The following GPR176 variants were observed in gnomAD, a reference collection of about 807,000 sequenced individuals.
GPR176 encodes the protein G protein-coupled receptor 176.
A neutral mutation model predicts 35.4 loss-of-function variants in GPR176; 26 were observed. The observed-to-expected ratio is 0.74, with a 90% CI of 0.54 to 1.02. The LOEUF is 1.02. Among genes scored for constraint, GPR176 ranks in the 50% least tolerant of loss-of-function variants. The probability of loss-of-function intolerance (pLI) is 0.00; values close to 1 mark genes in which losing one functional copy is unlikely to be tolerated. For synonymous variants in GPR176, 278 were observed against 271.3 expected, an observed-to-expected ratio of 1.02 and a Z score of -0.24; for missense variants, 597 against 665.3, an observed-to-expected ratio of 0.90 and a Z score of 1.13.
At chr15:39,827,519 G>A (rs1900750570) in intron 1 of GPR176, among the ~76,000 whole-genome samples, 1 of 152,192 alleles carries the variant, frequency 6.6e-6, no homozygotes, top group Non-Finnish European at 1.5e-5. Flanking sequence ...AAGGAAGCAT[G>A]CCCCATCTTC....
intron 1 of GPR176, among the ~76,000 whole-genome samples, chr15:39,859,196 G>T (rs2031434635): frequency 1.3e-5 from 2 of 152,076 alleles, no homozygotes; most frequent in African/African-American, 4.8e-5. Context: ...GTTTAAGAAA[G>T]AATAGAATCG....
At chr15:39,911,023 G>A (rs1216010422) in intron 1 of GPR176, among the ~76,000 whole-genome samples, 1 of 151,798 alleles carries the variant, frequency 6.6e-6, no homozygotes, top group Non-Finnish European at 1.5e-5. Context: ...GAGCAAGAGT[G>A]AGACTCTGTA....
rs966455893 is a variant in GPR176, at chr15:39,799,538, A to G, written c.*1594T>C. 1.7e-4 allele frequency: 26 copies of G among 152,244 alleles called. No individual in the cohort carries two copies. Among genetic ancestry groups the G allele is most frequent in the African/African-American group, 6.0e-4 (25 of 41,444 alleles). The allele number at this position is 152,244 out of a possible 1,614,324, so 9.4% of individuals were successfully genotyped here. A position where few individuals can be genotyped will look rare whatever the true frequency, so the allele number is the denominator to read the frequency against. ...CACACCCAAGAGAAGAAAGGAAAAC[A>G]AAACTCCCTACAGGGTCTGGGCTCC... On this transcript the variant is annotated 3_prime_UTR_variant, in exon 3 of 3. Coordinates refer to ENST00000561100, the MANE Select transcript of GPR176 (RefSeq NM_007223.3).
At position 39,807,543 on chromosome 15, in the gene GPR176, G is replaced by T. The variant is rs541206558; in HGVS notation, c.173-285C>A. 5.3e-6 allele frequency: 8 copies of T among 1,521,828 alleles called. No homozygotes were observed. The South Asian group carries it at 9.6e-5, about 18-fold the overall frequency. The allele number at this position is 1,521,828 out of a possible 1,614,324, so 94.3% of individuals were successfully genotyped here. A position where few individuals can be genotyped will look rare whatever the true frequency, so the allele number is the denominator to read the frequency against. On this transcript the variant is annotated intron_variant, in intron 1 of 2. Coordinates refer to ENST00000561100, the MANE Select transcript of GPR176 (RefSeq NM_007223.3). ...ATAACGATGGCTTAGTCTCATCAGT[G>T]TATAAACAATTTGCTAGTTATTACT... is the stretch of plus-strand genomic sequence containing the variant.
intron 1 of GPR176, among the ~76,000 whole-genome samples, chr15:39,837,738 A>G (rs1377481797): frequency 6.6e-6 from 1 of 152,114 alleles, no homozygotes; most frequent in Non-Finnish European, 1.5e-5. Flanking sequence ...AGGCCCTCAT[A>G]AGATCATAAG....
chr15:39,811,835 G>A (rs1301066820), intron 1 of GPR176, among the ~76,000 whole-genome samples: 1 of 151,574 alleles, frequency 6.6e-6, no homozygotes, highest in Non-Finnish European at 1.5e-5. Context: ...AGAATGGCGT[G>A]AACCTGGGAG....
At chr15:39,856,645 T>C (rs898686405) in intron 1 of GPR176, among the ~76,000 whole-genome samples, 1 of 152,232 alleles carries the variant, frequency 6.6e-6, no homozygotes, top group Non-Finnish European at 1.5e-5. Context: ...CCAGAGACAC[T>C]GATCCAAGAA....
chr15:39,872,241 G>A (rs1284257541), intron 1 of GPR176, among the ~76,000 whole-genome samples: 1 of 152,184 alleles, frequency 6.6e-6, no homozygotes, highest in East Asian at 1.9e-4. Flanking sequence ...GTCTGACATG[G>A]TGGGCCTTGA....
At chr15:39,878,642 A>C (rs944308522) in intron 1 of GPR176, among the ~76,000 whole-genome samples, 2 of 152,208 alleles carry the variant, frequency 1.3e-5, no homozygotes, top group Non-Finnish European at 2.9e-5. Context: ...ACATGCCCAT[A>C]AGTGGGACTG....
At chr15:39,879,725 G>A (rs545181150) in intron 1 of GPR176, among the ~76,000 whole-genome samples, 2 of 152,208 alleles carry the variant, frequency 1.3e-5, no homozygotes, top group Admixed American at 6.5e-5. Context: ...ACCCCACCTC[G>A]AAGTTGGGAA....
At position 39,799,326 on chromosome 15, in the gene GPR176, G is replaced by T. The variant is rs1898716667; in HGVS notation, c.*1806C>A. On this transcript the variant is annotated 3_prime_UTR_variant, in exon 3 of 3. Coordinates refer to ENST00000561100, the MANE Select transcript of GPR176 (RefSeq NM_007223.3). The stretch of plus-strand genomic sequence containing the variant: ...GACAAGCTTGAAGGGCCACAGCATT[G>T]ACTATCAGGGCAAGGAGCTATAGAT... 1 of 152,234 alleles carries T rather than the reference G, an allele frequency of 6.6e-6. No individual in the cohort carries two copies. Among genetic ancestry groups the T allele is most frequent in the Non-Finnish European group, 1.5e-5 (1 of 68,054 alleles). 9.4% of individuals were successfully genotyped at this position (152,234 alleles called of 1,614,324 possible).
intron 1 of GPR176, among the ~76,000 whole-genome samples, chr15:39,862,671 A>T (rs1021627445): frequency 6.6e-6 from 1 of 152,232 alleles, no homozygotes; most frequent in Non-Finnish European, 1.5e-5. Context: ...ACAATGCATT[A>T]TTCATGTGTT....
At chr15:39,839,912 C>T (rs1294274660) in intron 1 of GPR176, among the ~76,000 whole-genome samples, 1 of 152,078 alleles carries the variant, frequency 6.6e-6, no homozygotes, top group Non-Finnish European at 1.5e-5. Context: ...TAGAGAAATG[C>T]AAATCAAAAC....
chr15:39,850,049 T>G (rs2030746510), intron 1 of GPR176, among the ~76,000 whole-genome samples: 1 of 152,130 alleles, frequency 6.6e-6, no homozygotes, highest in Admixed American at 6.5e-5. Context: ...TATAAAAGAT[T>G]TTTAAAATGG....
chr15:39,817,068 C>CAAAAAAAAAAAAAAA lies in GPR176; in HGVS notation c.173-9825_173-9811dup, dbSNP rs58812005. On this transcript the variant is annotated intron_variant, in intron 1 of 2. Transcript: ENST00000561100. Reference sequence around the variant, plus strand: ...TTGGTAACAGAGCAGGATTCTGTCTCAAAAAAAAAAAAAAAGCTTTGAAAA... The same window carrying CAAAAAAAAAAAAAAA: ...TTGGTAACAGAGCAGGATTCTGTCTCAAAAAAAAAAAAAAAAAAAAAAAAAAAAAAGCTTTGAAAA... Among the ~76,000 whole-genome samples, 143 of 77,156 alleles carry CAAAAAAAAAAAAAAA rather than the reference C, an allele frequency of 1.9e-3. 7 individuals carry two copies. Among genetic ancestry groups the CAAAAAAAAAAAAAAA allele is most frequent in the African/African-American group, 4.2e-3 (72 of 17,176 alleles). The allele number at this position is 77,156 out of a possible 152,430, so 50.6% of individuals were successfully genotyped here. A position where few individuals can be genotyped will look rare whatever the true frequency, so the allele number is the denominator to read the frequency against.
chr15:39,811,865 G>C, intron 1 of GPR176, among the ~76,000 whole-genome samples: 1 of 151,064 alleles, frequency 6.6e-6, no homozygotes, highest in East Asian at 1.9e-4. Context: ...GCAGTGAGCC[G>C]AGATTGCGCC....
At chr15:39,837,584 AAC>A in intron 1 of GPR176, among the ~76,000 whole-genome samples, 1 of 152,294 alleles carries the variant, frequency 6.6e-6, no homozygotes, top group East Asian at 1.9e-4. Flanking sequence ...TACATTAATT[AAC>A]ACAGCACTTA....
intron 1 of GPR176, among the ~76,000 whole-genome samples, chr15:39,882,222 GAC>G (rs1204244739): frequency 2.0e-5 from 3 of 152,140 alleles, no homozygotes; most frequent in African/African-American, 7.2e-5. Flanking sequence ...CAAGGTTAAT[GAC>G]AAATCACATG....
chr15:39,891,035 CT>C (rs2032853357), intron 1 of GPR176, among the ~76,000 whole-genome samples: 1 of 152,104 alleles, frequency 6.6e-6, no homozygotes, highest in African/African-American at 2.4e-5. Context: ...CCTCTTAAAT[CT>C]TTTTAGCTAT....
Sources: gnomAD v4.1 joint callset for allele counts (sites outside exome capture counted in the v4.1 genomes callset) on GRCh38, gnomAD v4.1.1 for gene constraint, MANE v1.5 for transcripts, NCBI Gene and HGNC (gene_info 2026-07-23, HGNC 2026-07-21) for gene names.